Variants in NOP14 observed in about 807,000 individuals in gnomAD.
The protein encoded by NOP14 is nucleolar protein 14.
A neutral mutation model predicts 101.6 loss-of-function variants in NOP14; 57 were observed. That is an observed-to-expected ratio of 0.56 (90% CI 0.45 to 0.70). The LOEUF (loss-of-function observed/expected upper bound fraction) is 0.70. Ranked by LOEUF, NOP14 falls within the 30% of genes least tolerant of loss-of-function variation. The pLI, the probability that NOP14 is intolerant of heterozygous loss-of-function variation, is 0.00. For missense variants in NOP14, 1,134 were observed against 1,075.5 expected (o/e 1.05, Z -0.76); for synonymous variants, 428 against 424.0 (o/e 1.01, Z -0.12).
chr4:2,954,357 G>A (rs994084453), intron 4 of NOP14, 67 bp downstream of exon 4: 2 of 1,557,424 alleles, frequency 1.3e-6, no homozygotes, highest in Non-Finnish European at 1.7e-6. Flanking sequence ...GGAAAAAAAA[G>A]CTCAAACACA....
intron 11 of NOP14, among the ~76,000 whole-genome samples, chr4:2,945,988 AG>A (rs1297520468): frequency 7.7e-5 from 5 of 65,044 alleles, no homozygotes; most frequent in African/African-American, 3.3e-4. Context: ...CTCTCACTCC[AG>A]ATCACCCTCA....
Position 2,942,263 on chromosome 4 carries a change from C to T in NOP14, c.1980G>A (p.Gln660=). 1 of 1,614,082 alleles carries T rather than the reference C, an allele frequency of 6.2e-7. No individual in the cohort carries two copies. Among genetic ancestry groups the T allele is most frequent in the African/African-American group, 1.3e-5 (1 of 75,060 alleles). ...CCCAGCGGAGGGAGAGGCTGCTCTG[C>T]TGCCACGTGGCCACATCCTCTCTAG... The part of the protein sequence containing the change: ...VSAREDVATW[Q]QSSLSLRWAS... Residue 660 remains glutamine (Q), a synonymous_variant, in exon 14 of 18, where the codon CAG becomes CAA. Coordinates refer to ENST00000416614, the MANE Select transcript of NOP14 (RefSeq NM_001291978.2).
intron 15 of NOP14, 102 bp downstream of exon 15, chr4:2,941,480 C>A: frequency 9.1e-7 from 1 of 1,100,120 alleles, no homozygotes; most frequent in Non-Finnish European, 1.3e-6. Flanking sequence ...ATGGTGTTGA[C>A]TTACAGCTGC....
intron 1 of NOP14, among the ~76,000 whole-genome samples, chr4:2,960,239 T>C (rs1461542676): frequency 6.6e-6 from 1 of 152,120 alleles, no homozygotes; most frequent in East Asian, 1.9e-4. Context: ...CCCAAAGTGC[T>C]AGGATCACAG....
chr4:2,950,172 T>C lies in NOP14; in HGVS notation c.1044A>G (p.Gln348=). Residue 348 remains glutamine, a synonymous_variant, in exon 8 of 18, where the codon CAA becomes CAG. Coordinates refer to ENST00000416614, the MANE Select transcript of NOP14 (RefSeq NM_001291978.2). ...MNVEEDVQEE[Q]SKEASDPESN... is the part of the protein sequence containing the mutation. Reference sequence around the variant, plus strand: ...TCTCAGGGTCACTGGCTTCCTTGCTTTGCTCTTCCTGGACATCTTCCTCGA... The same window carrying C: ...TCTCAGGGTCACTGGCTTCCTTGCTCTGCTCTTCCTGGACATCTTCCTCGA... The C allele has an allele frequency of 6.2e-7, 1 of 1,614,144 alleles. No homozygotes were observed. Among genetic ancestry groups the C allele is most frequent in the Non-Finnish European group, 8.5e-7 (1 of 1,180,040 alleles).
chr4:2,944,314 AC>A, intron 12 of NOP14, 88 bp from the exon 13 acceptor site: 1 of 1,235,054 alleles, frequency 8.1e-7, no homozygotes, highest in Non-Finnish European at 1.1e-6. Context: ...TGAACCACGC[AC>A]CCCACTGAGC....
At chr4:2,944,364 T>C (rs1047342713) in intron 12 of NOP14, 138 bp from the exon 13 acceptor site, 1 of 565,750 alleles carries the variant, frequency 1.8e-6, no homozygotes, top group Non-Finnish European at 3.0e-6. Context: ...CTTATAGCAG[T>C]GTCGAGAGCA....
intron 15 of NOP14, chr4:2,940,747 T>C (rs1332698590): frequency 6.6e-6 from 1 of 152,340 alleles, no homozygotes; most frequent in East Asian, 1.9e-4. Flanking sequence ...CACGGCACAG[T>C]GTGGGCCAGG....
At chr4:2,950,985 G>T in intron 7 of NOP14, 129 bp downstream of exon 7, 1 of 835,176 alleles carries the variant, frequency 1.2e-6, no homozygotes, top group Non-Finnish European at 1.9e-6. Flanking sequence ...CCCAGATAAA[G>T]AACTTTAGAG....
Position 2,956,615 on chromosome 4 carries a change from A to AC in NOP14, c.472+54dup, listed in dbSNP as rs1157489714. ...AGAAGAGCAGAAGGTCTAACAATGAACAGACTCTCCCTGACTCCACGCCCA... is the reference window on the plus strand; with the variant it reads ...AGAAGAGCAGAAGGTCTAACAATGAACCAGACTCTCCCTGACTCCACGCCCA... On this transcript the variant is annotated intron_variant, in intron 3 of 17. Transcript: ENST00000416614. 6 of 1,534,776 alleles carry AC rather than the reference A, an allele frequency of 3.9e-6. No individual in the cohort carries two copies. In the African/African-American group the frequency reaches 8.3e-5, roughly 21 times the overall value.
chr4:2,939,167 G>A lies in NOP14; in HGVS notation c.2474+21C>T, dbSNP rs181685373. 301 of 1,613,376 alleles carry A rather than the reference G, an allele frequency of 1.9e-4. No individual in the cohort carries two copies. The African/African-American group carries it at 1.9e-3, about 10-fold the overall frequency. On this transcript the variant is annotated intron_variant, in intron 17 of 17. Coordinates refer to ENST00000416614, the MANE Select transcript of NOP14 (RefSeq NM_001291978.2). The stretch of plus-strand genomic sequence containing the variant: ...AGCTGAGTGACACCACAATCGTGTC[G>A]CACACACACGTCCCCCTCACCGTTC...
chr4:2,958,996 A>G (rs1191047450), intron 1 of NOP14, among the ~76,000 whole-genome samples: 1 of 152,204 alleles, frequency 6.6e-6, no homozygotes, highest in Non-Finnish European at 1.5e-5. Flanking sequence ...TTCCATCTGG[A>G]GAGGTCAACC....
chr4:2,961,165 A>G (rs1195322450), intron 1 of NOP14, among the ~76,000 whole-genome samples: 1 of 3,726 alleles, frequency 2.7e-4, no homozygotes, highest in South Asian at 9.8e-3. Flanking sequence ...ATATATTAAT[A>G]TGCTATTACA....
intron 8 of NOP14, among the ~76,000 whole-genome samples, chr4:2,949,184 G>T (rs1577836133): frequency 6.6e-6 from 1 of 152,106 alleles, no homozygotes; most frequent in African/African-American, 2.4e-5. Flanking sequence ...ATTCGGCATT[G>T]CTTACTAGAA....
At position 2,951,180 on chromosome 4, in the gene NOP14, C is replaced by A; in HGVS notation, c.936G>T (p.Met312Ile). The A allele has an allele frequency of 6.2e-7, 1 of 1,613,856 alleles. No homozygotes were observed. The highest frequency in any genetic ancestry group is 8.5e-7 in the Non-Finnish European group (1 of 1,179,716). Residue 312 changes from methionine (M) to isoleucine (I), a missense_variant, in exon 7 of 18, where the codon ATG becomes ATT. Met to Ile is a conservative substitution (Grantham distance 10). Coordinates refer to ENST00000416614, the MANE Select transcript of NOP14 (RefSeq NM_001291978.2). ...AGCCATCATTCAGATCATCTGCTGA[C>A]ATATGTTTTGGTTTCTTAACATTTT... ...EDENVKKPKH[M>I]SADDLNDGFV...
intron 7 of NOP14, chr4:2,950,448 G>GC (rs1178661380): frequency 8.8e-6 from 5 of 568,228 alleles, no homozygotes; most frequent in Non-Finnish European, 1.6e-5. Flanking sequence ...AGGATGCTGG[G>GC]CGCGGTTCAG....
chr4:2,956,038 G>C (rs1249193777), intron 3 of NOP14, among the ~76,000 whole-genome samples: 1 of 152,240 alleles, frequency 6.6e-6, no homozygotes, highest in African/African-American at 2.4e-5. Context: ...GAAATGTCAA[G>C]TAATTGATGT....
intron 10 of NOP14, 184 bp downstream of exon 10, chr4:2,947,342 C>A: frequency 6.7e-6 from 4 of 596,406 alleles, no homozygotes; most frequent in Non-Finnish European, 1.2e-5. Flanking sequence ...TGGAGCGGCA[C>A]GTGTGAGAAG....
intron 13 of NOP14, among the ~76,000 whole-genome samples, chr4:2,943,865 C>T (rs748783970): frequency 3.9e-5 from 6 of 152,234 alleles, no homozygotes; most frequent in African/African-American, 9.6e-5. Flanking sequence ...CTGGCAACCA[C>T]GCTGGACAGC....
Sources: allele counts gnomAD v4.1 joint callset (sites outside exome capture counted in the v4.1 genomes callset), GRCh38; gene constraint gnomAD v4.1.1; transcripts MANE v1.5; gene names NCBI Gene and HGNC (gene_info 2026-07-23, HGNC 2026-07-21).